SPOCK3: variants seen among roughly 807,000 people sequenced by gnomAD.
The protein encoded by SPOCK3 is testican-3.
Under a neutral mutation model 56.6 loss-of-function variants are expected in SPOCK3, and 30 were observed. That is an observed-to-expected ratio of 0.53 (90% CI 0.40 to 0.72). The LOEUF is 0.72. Among genes scored for constraint, SPOCK3 ranks in the 30% least tolerant of loss-of-function variants. The probability of loss-of-function intolerance (pLI) is 0.00; values close to 1 mark genes in which losing one functional copy is unlikely to be tolerated. For synonymous variants in SPOCK3, 196 were observed against 183.3 expected, an observed-to-expected ratio of 1.07 and a Z score of -0.56; for missense variants, 527 against 530.0, an observed-to-expected ratio of 0.99 and a Z score of 0.06.
chr4:166,804,859 C>T (rs1742984743), intron 6 of SPOCK3, among the ~76,000 whole-genome samples: 1 of 152,074 alleles, frequency 6.6e-6, no homozygotes, highest in African/African-American at 2.4e-5. Flanking sequence ...CCCAAGACAT[C>T]CTTAAGAATT....
intron 6 of SPOCK3, among the ~76,000 whole-genome samples, chr4:166,854,470 A>T (rs887707714): frequency 1.1e-4 from 16 of 152,160 alleles, no homozygotes; most frequent in Non-Finnish European, 2.4e-4. Flanking sequence ...AGCTACAATA[A>T]ATTGGATTCT....
intron 4 of SPOCK3, among the ~76,000 whole-genome samples, chr4:166,982,761 G>C (rs1746724426): frequency 6.6e-6 from 1 of 152,056 alleles, no homozygotes; most frequent in Non-Finnish European, 1.5e-5. Context: ...GTTAAAATGA[G>C]TAGAAACATA....
intron 6 of SPOCK3, among the ~76,000 whole-genome samples, chr4:166,842,569 C>G (rs987129919): frequency 1.3e-5 from 2 of 152,176 alleles, no homozygotes; most frequent in Admixed American, 1.3e-4. Context: ...GAGCTAGACA[C>G]AGAGTGCTGA....
At chr4:166,974,835 G>A (rs1465192381) in intron 4 of SPOCK3, among the ~76,000 whole-genome samples, 1 of 152,122 alleles carries the variant, frequency 6.6e-6, no homozygotes, top group African/African-American at 2.4e-5. Flanking sequence ...GTTATGGTTT[G>A]AATGTTTGTT....
chr4:167,184,099 G>C (rs1731741267), intron 2 of SPOCK3, among the ~76,000 whole-genome samples: 1 of 152,108 alleles, frequency 6.6e-6, no homozygotes, highest in African/African-American at 2.4e-5. Context: ...TTCTCTTTAT[G>C]TGCACATTGA....
chr4:166,814,597 G>T (rs776899429), intron 6 of SPOCK3, among the ~76,000 whole-genome samples: 30 of 152,054 alleles, frequency 2.0e-4, no homozygotes, highest in Non-Finnish European at 2.8e-4. Context: ...CAGACTCCAG[G>T]TTCTTTGACC....
chr4:166,955,438 T>C (rs1212712665), intron 4 of SPOCK3, among the ~76,000 whole-genome samples: 1 of 147,690 alleles, frequency 6.8e-6, no homozygotes, highest in Non-Finnish European at 1.5e-5. Flanking sequence ...TTTCCTAAAA[T>C]ATAGAAATAC....
chr4:166,765,935 TTC>T lies in SPOCK3; in HGVS notation c.710-11208_710-11207del, dbSNP rs573636254. On this transcript the variant is annotated intron_variant, in intron 7 of 10. Coordinates refer to ENST00000357545, the MANE Select transcript of SPOCK3 (RefSeq NM_001040159.2). ...TTAAGTTGGATTCCTAGGTATTTTA[TTC>T]TCTTTGAAGCAATTATGAATGGGAG... Among the ~76,000 whole-genome samples, 114 of 152,248 alleles carry T rather than the reference TTC, an allele frequency of 7.5e-4. 5 individuals are homozygous for T. In the South Asian group the frequency reaches 0.022, roughly 30 times the overall value.
chr4:167,035,276 T>C (rs567643887), intron 3 of SPOCK3, among the ~76,000 whole-genome samples: 58 of 152,230 alleles, frequency 3.8e-4, no homozygotes, highest in African/African-American at 1.4e-3. Flanking sequence ...GTCGTGAGTT[T>C]TGCTGTATGC....
Position 166,752,334 on chromosome 4 carries a change from A to C in SPOCK3, c.931+2174T>G, listed in dbSNP as rs149026312. 4.4e-3 allele frequency among the ~76,000 whole-genome samples: 672 copies of C among 151,982 alleles called. 4 individuals are homozygous for C. Among genetic ancestry groups the C allele is most frequent in the African/African-American group, 0.015 (637 of 41,474 alleles). On this transcript the variant is annotated intron_variant, in intron 8 of 10. Coordinates refer to ENST00000357545, the MANE Select transcript of SPOCK3 (RefSeq NM_001040159.2). ...AACTGTGCCCAGCTGAAATTTACAA[A>C]CTCATTTATTAAACTTTCAAAATTA...
intron 3 of SPOCK3, among the ~76,000 whole-genome samples, chr4:167,061,278 A>C (rs1755579605): frequency 6.6e-6 from 1 of 152,040 alleles, no homozygotes; most frequent in South Asian, 2.1e-4. Context: ...CAAGAAAGCC[A>C]GTAAATAACA....
At chr4:167,086,790 A>C (rs977352918) in intron 2 of SPOCK3, among the ~76,000 whole-genome samples, 5 of 152,128 alleles carry the variant, frequency 3.3e-5, no homozygotes, top group Non-Finnish European at 1.5e-5. Flanking sequence ...ACCAAGGCTC[A>C]TTCTTTATAT....
intron 2 of SPOCK3, among the ~76,000 whole-genome samples, chr4:167,186,848 A>G (rs1162574212): frequency 1.3e-5 from 2 of 150,230 alleles, no homozygotes; most frequent in African/African-American, 4.9e-5. Context: ...GTGGTGGCAC[A>G]TGCCTGCAGT....
chr4:167,155,495 T>C (rs552405862), intron 2 of SPOCK3, among the ~76,000 whole-genome samples: 1 of 152,324 alleles, frequency 6.6e-6, no homozygotes, highest in East Asian at 1.9e-4. Context: ...AAAGTTATGA[T>C]AAATATATGA....
chr4:166,772,095 T>C (rs1413350889), intron 7 of SPOCK3, among the ~76,000 whole-genome samples: 1 of 152,054 alleles, frequency 6.6e-6, no homozygotes, highest in African/African-American at 2.4e-5. Flanking sequence ...TCTCATTTTA[T>C]TTTATAGTCA....
At chr4:167,140,979 C>T (rs956545450) in intron 2 of SPOCK3, among the ~76,000 whole-genome samples, 1 of 151,898 alleles carries the variant, frequency 6.6e-6, no homozygotes, top group Non-Finnish European at 1.5e-5. Context: ...TATTTACTGT[C>T]AGTTCATTTC....
chr4:167,041,314 C>A (rs2150201312), intron 3 of SPOCK3, among the ~76,000 whole-genome samples: 1 of 152,232 alleles, frequency 6.6e-6, no homozygotes, highest in African/African-American at 2.4e-5. Context: ...ATGTGTTCAA[C>A]AAATGACAGC....
chr4:166,848,746 C>A (rs188496942), intron 6 of SPOCK3, among the ~76,000 whole-genome samples: 1 of 152,102 alleles, frequency 6.6e-6, no homozygotes, highest in African/African-American at 2.4e-5. Context: ...GCCAACAAGC[C>A]GGCCAGTGTT....
At chr4:166,936,267 CAT>C (rs1339136712) in intron 4 of SPOCK3, among the ~76,000 whole-genome samples, 1 of 152,010 alleles carries the variant, frequency 6.6e-6, no homozygotes, top group African/African-American at 2.4e-5. Context: ...GCAATATTAA[CAT>C]ATACTTTTTA....
Sources: gnomAD v4.1 joint callset for allele counts (sites outside exome capture counted in the v4.1 genomes callset) on GRCh38, gnomAD v4.1.1 for gene constraint, MANE v1.5 for transcripts, NCBI Gene and HGNC (gene_info 2026-07-23, HGNC 2026-07-21) for gene names.